Variants in INPP4B observed in about 807,000 individuals in gnomAD.
The protein encoded by INPP4B is inositol polyphosphate 4-phosphatase type II.
In INPP4B, 55 loss-of-function variants were observed where a neutral mutation model predicts 122.5. That is an observed-to-expected ratio of 0.45 (90% CI 0.36 to 0.56). The LOEUF is 0.56. INPP4B is among the 20% of genes least tolerant of loss of function. INPP4B has a pLI of 0.00. For synonymous variants in INPP4B, 403 were observed against 388.7 expected (o/e 1.04, Z -0.43); for missense variants, 1,000 against 1,097.7 (o/e 0.91, Z 1.26).
chr4:142,104,304 T>C (rs1416948662), intron 23 of INPP4B, among the ~76,000 whole-genome samples: 1 of 152,170 alleles, frequency 6.6e-6, no homozygotes, highest in East Asian at 1.9e-4. Context: ...GTGTTAGTGA[T>C]TTACAGACGT....
At position 142,743,097 on chromosome 4, in the gene INPP4B, G is replaced by C. The variant is rs75767279; in HGVS notation, c.-253-17196C>G. Among the ~76,000 whole-genome samples, 549 of 152,090 alleles carry C rather than the reference G, an allele frequency of 3.6e-3. 2 individuals are homozygous for C. Among genetic ancestry groups the C allele is most frequent in the Middle Eastern group, 0.014 (4 of 294 alleles). On this transcript the variant is annotated intron_variant, in intron 1 of 25. Coordinates refer to ENST00000262992, the MANE Select transcript of INPP4B (RefSeq NM_001101669.3). ...GTTTCTGGCTATAATGGAGTAACTT[G>C]TCTTGGATTAGTCCATTCTGTACAA...
intron 18 of INPP4B, among the ~76,000 whole-genome samples, chr4:142,140,475 G>A (rs1357191343): frequency 6.6e-6 from 1 of 152,182 alleles, no homozygotes; most frequent in Non-Finnish European, 1.5e-5. Flanking sequence ...GTTCCTTTTA[G>A]TGATGTGCCT....
chr4:142,088,950 GA>G (rs1778131034), intron 23 of INPP4B, among the ~76,000 whole-genome samples: 1 of 152,160 alleles, frequency 6.6e-6, no homozygotes, highest in Non-Finnish European at 1.5e-5. Context: ...GGAAGCACTG[GA>G]CAATTCTATA....
At chr4:142,522,755 T>C (rs1354959937) in intron 2 of INPP4B, among the ~76,000 whole-genome samples, 1 of 152,038 alleles carries the variant, frequency 6.6e-6, no homozygotes, top group Non-Finnish European at 1.5e-5. Flanking sequence ...TGACCTTCAT[T>C]TATATCCTTT....
chr4:142,537,665 G>A (rs1008458047), intron 2 of INPP4B, among the ~76,000 whole-genome samples: 4 of 151,002 alleles, frequency 2.6e-5, no homozygotes, highest in Non-Finnish European at 5.9e-5. Flanking sequence ...TCATTTTAAC[G>A]GTGAGAGATA....
intron 2 of INPP4B, among the ~76,000 whole-genome samples, chr4:142,580,049 G>T (rs1456537881): frequency 6.6e-6 from 1 of 151,268 alleles, no homozygotes; most frequent in South Asian, 2.1e-4. Flanking sequence ...TGAAAATATG[G>T]TACAGAGGCA....
intron 1 of INPP4B, among the ~76,000 whole-genome samples, chr4:142,736,258 G>A (rs1013576712): frequency 1.3e-5 from 2 of 152,054 alleles, no homozygotes; most frequent in African/African-American, 4.8e-5. Context: ...CTCTAAACTA[G>A]GGCTTTCTTA....
intron 2 of INPP4B, among the ~76,000 whole-genome samples, chr4:142,556,263 G>A (rs1235264131): frequency 2.0e-5 from 3 of 152,148 alleles, no homozygotes; most frequent in South Asian, 2.1e-4. Context: ...AACTTCTTTG[G>A]TGCAAGTACA....
chr4:142,335,443 C>T (rs1046898389), intron 7 of INPP4B, among the ~76,000 whole-genome samples: 3 of 152,034 alleles, frequency 2.0e-5, no homozygotes, highest in Admixed American at 6.6e-5. Flanking sequence ...CCATTAATAC[C>T]AGCATTTATT....
intron 7 of INPP4B, among the ~76,000 whole-genome samples, chr4:142,394,280 G>A (rs1798643069): frequency 6.6e-6 from 1 of 152,100 alleles, no homozygotes; most frequent in Non-Finnish European, 1.5e-5. Flanking sequence ...CAAGTAGCTG[G>A]GACTACAGGC....
At chr4:142,498,596 C>T (rs117478375) in intron 2 of INPP4B, among the ~76,000 whole-genome samples, 3,949 of 151,900 alleles carry the variant, frequency 0.026, 118 homozygotes, top group Admixed American at 0.068. Flanking sequence ...CGAGACCAGC[C>T]TAAGCAACAT....
At chr4:142,369,855 C>G (rs1789145429) in intron 7 of INPP4B, among the ~76,000 whole-genome samples, 2 of 149,222 alleles carry the variant, frequency 1.3e-5, no homozygotes, top group Admixed American at 6.8e-5. Flanking sequence ...TGCTTGAACC[C>G]AGGAGACGGA....
At chr4:142,471,698 T>A (rs1405972856) in intron 2 of INPP4B, among the ~76,000 whole-genome samples, 1 of 152,130 alleles carries the variant, frequency 6.6e-6, no homozygotes, top group East Asian at 1.9e-4. Flanking sequence ...CTAGCAGCAG[T>A]CACAGTGAGA....
At position 142,196,398 on chromosome 4, in the gene INPP4B, G is replaced by A. The variant is rs186865550; in HGVS notation, c.1073-3203C>T. 2.1e-3 allele frequency among the ~76,000 whole-genome samples: 319 copies of A among 152,098 alleles called. 4 individuals are homozygous for A. The highest frequency in any genetic ancestry group is 1.9e-4 in the Non-Finnish European group (13 of 68,010). On this transcript the variant is annotated intron_variant, in intron 14 of 25. Transcript: ENST00000262992. ...CCTATTAAGCTTAACATATTCTAAC[G>A]CTTGACCCTAACTGGCTCTTCCTTC...
intron 15 of INPP4B, among the ~76,000 whole-genome samples, chr4:142,184,711 T>C (rs1832415380): frequency 6.6e-6 from 1 of 152,184 alleles, no homozygotes; most frequent in Non-Finnish European, 1.5e-5. Flanking sequence ...TAAAGCAGAC[T>C]TGGCTTAGAC....
intron 11 of INPP4B, among the ~76,000 whole-genome samples, chr4:142,247,340 A>G (rs564978048): frequency 2.0e-5 from 3 of 151,900 alleles, no homozygotes; most frequent in African/African-American, 7.2e-5. Context: ...CTCTTTTTCT[A>G]TTGTTTGGAA....
chr4:142,151,194 C>T (rs1328796349), intron 17 of INPP4B, among the ~76,000 whole-genome samples: 1 of 152,116 alleles, frequency 6.6e-6, no homozygotes, highest in Non-Finnish European at 1.5e-5. Flanking sequence ...AACCCTTCAT[C>T]CAGACTGTTA....
intron 1 of INPP4B, among the ~76,000 whole-genome samples, chr4:142,833,556 C>T (rs1405038249): frequency 6.6e-6 from 1 of 151,374 alleles, no homozygotes; most frequent in Non-Finnish European, 1.5e-5. Context: ...ACACTAATTA[C>T]TATTACAAAT....
intron 1 of INPP4B, among the ~76,000 whole-genome samples, chr4:142,785,239 C>G (rs1444366916): frequency 2.0e-5 from 3 of 151,916 alleles, no homozygotes; most frequent in African/African-American, 7.3e-5. Context: ...TAAAACTTCC[C>G]CCTAAATTTA....
Sources: gnomAD v4.1 joint callset for allele counts (sites outside exome capture counted in the v4.1 genomes callset) on GRCh38, gnomAD v4.1.1 for gene constraint, MANE v1.5 for transcripts, NCBI Gene and HGNC (gene_info 2026-07-23, HGNC 2026-07-21) for gene names.